Variants in MGAM observed in about 807,000 individuals in gnomAD.
MGAM encodes maltase-glucoamylase, also known as alpha-1,4-glucosidase.
Under a neutral mutation model 358.8 loss-of-function variants are expected in MGAM, and 253 were observed. The ratio of observed to expected loss-of-function variants is 0.71; its 90% CI spans 0.64 to 0.78. The LOEUF is 0.78. Among genes scored for constraint, MGAM ranks in the 30% least tolerant of loss-of-function variants. The pLI is 0.00. For synonymous variants in MGAM, 1,105 were observed against 1,227.1 expected (o/e 0.90, Z 2.08); for missense variants, 3,080 against 3,432.6 (o/e 0.90, Z 2.57).
chr7:142,037,116 T>G (rs1211779356), intron 18 of MGAM, 139 bp downstream of exon 18: 26 of 872,942 alleles, frequency 3.0e-5, no homozygotes, highest in Non-Finnish European at 4.2e-5. Context: ...AATCTAGCTA[T>G]CTATATTCAT....
intron 21 of MGAM, among the ~76,000 whole-genome samples, chr7:142,046,057 G>A (rs34615965): frequency 0.17 from 14,240 of 83,264 alleles, 4,436 homozygotes; most frequent in African/African-American, 0.54. Flanking sequence ...CATACAATAT[G>A]TAATATAATA....
At position 142,019,214 on chromosome 7, in the gene MGAM, C is replaced by T. The variant is rs782730354; in HGVS notation, c.343C>T (p.Arg115Cys). 13 of 1,613,316 alleles carry T rather than the reference C, an allele frequency of 8.1e-6. No individual in the cohort carries two copies. Among genetic ancestry groups the T allele is most frequent in the South Asian group, 1.1e-5 (1 of 91,048 alleles). The part of the protein sequence containing the change: ...QPPTKATCDQ[R>C]GCCWNPQGAV... ...CTTGTTTCAGGCCACATGTGACCAA[C>T]GTGGCTGTTGCTGGAATCCCCAGGG... The change falls in exon 4 of 71, where the codon CGT (arginine) becomes TGT (cysteine). Residue 115 changes from arginine to cysteine, a missense_variant. By Grantham distance (180) the Arg-to-Cys change is radical (BLOSUM62 -3). This residue lies in a region of MGAM where 1,816 missense variants were observed against 1,840.5 expected (regional missense o/e 0.99). Transcript: ENST00000475668.
chr7:142,088,387 A>C (rs1258382139), intron 57 of MGAM, among the ~76,000 whole-genome samples: 1 of 145,902 alleles, frequency 6.9e-6, no homozygotes, highest in Non-Finnish European at 1.6e-5. Context: ...CCTTATGTCT[A>C]CTACTGAACA....
intron 65 of MGAM, among the ~76,000 whole-genome samples, chr7:142,096,631 G>T (rs1274678069): frequency 6.6e-6 from 1 of 152,188 alleles, no homozygotes; most frequent in Non-Finnish European, 1.5e-5. Flanking sequence ...TGGTTCATAG[G>T]ATGATCAAGA....
chr7:142,088,512 C>T (rs1331501955), intron 57 of MGAM, among the ~76,000 whole-genome samples: 1 of 143,538 alleles, frequency 7.0e-6, no homozygotes, highest in Non-Finnish European at 1.6e-5. Flanking sequence ...ATGTATCTAC[C>T]GATCAATGTA....
Position 142,102,783 on chromosome 7 carries a change from T to C in MGAM, c.8013+104T>C, listed in dbSNP as rs902496272. The C allele has an allele frequency of 1.4e-4, 151 of 1,103,966 alleles. 2 individuals are homozygous for C. In the Middle Eastern group the frequency reaches 2.4e-3, roughly 18 times the overall value. The allele number at this position is 1,103,966 out of a possible 1,614,324, so 68.4% of individuals were successfully genotyped here. ...CCACCTAGAATTTCTTCATTGCTCA[T>C]CTTGCTAATTCACATTCTTCTACTT... On this transcript the variant is annotated intron_variant, in intron 69 of 70. Coordinates refer to ENST00000475668, the MANE Select transcript of MGAM (RefSeq NM_001365693.1).
At position 142,052,324 on chromosome 7, in the gene MGAM, C is replaced by T; in HGVS notation, c.2836C>T (p.Leu946=). The part of the protein sequence containing the change: ...VAIITDIDLL[L]GEAYTVEWSI... ...CATTATCACAGATATTGATCTTCTC[C>T]TGGGAGAAGCATACACAGTGGAATG... Residue 946 remains leucine (L), a synonymous_variant, in exon 25 of 71, where the codon CTG becomes TTG. Transcript: ENST00000475668. The T allele has an allele frequency of 6.2e-7, 1 of 1,607,402 alleles. No individual in the cohort carries two copies. Among genetic ancestry groups the T allele is most frequent in the Non-Finnish European group, 8.5e-7 (1 of 1,176,582 alleles).
chr7:142,010,781 C>A (rs1805534615), intron 3 of MGAM, among the ~76,000 whole-genome samples: 1 of 152,120 alleles, frequency 6.6e-6, no homozygotes, highest in Non-Finnish European at 1.5e-5. Flanking sequence ...TACCTCTGTG[C>A]CTCTATAGGT....
chr7:142,084,549 T>C lies in MGAM; in HGVS notation c.6412T>C (p.Trp2138Arg). 1 of 1,552,448 alleles carries C rather than the reference T, an allele frequency of 6.4e-7. No individual in the cohort carries two copies. Among genetic ancestry groups the C allele is most frequent in the Non-Finnish European group, 8.8e-7 (1 of 1,130,346 alleles). ...TGGCCGGCCTGTGATGGTACCTTAC[T>C]GGTCTTTGGGGTTCCAGCTGTGTCG... ...LIGRPVMVPY[W>R]SLGFQLCRYG... The change falls in exon 54 of 71, where the codon TGG becomes CGG. Residue 2138 changes from tryptophan to arginine, a missense_variant. Transcript: ENST00000475668.
At chr7:142,012,277 T>C (rs141503399) in intron 3 of MGAM, among the ~76,000 whole-genome samples, 65 of 152,284 alleles carry the variant, frequency 4.3e-4, no homozygotes, top group Middle Eastern at 3.4e-3. Context: ...ATCATAGTTA[T>C]GGATGGAGAC....
chr7:142,072,661 T>G lies in MGAM; in HGVS notation c.5187-1424T>G, dbSNP rs561414756. 1.3e-4 allele frequency among the ~76,000 whole-genome samples: 19 copies of G among 146,376 alleles called. 3 individuals are homozygous for G. Among genetic ancestry groups the G allele is most frequent in the Non-Finnish European group, 2.3e-4 (15 of 64,532 alleles). Reference sequence around the variant, plus strand: ...CTTGTGTGCTTGGTGATTTTTTGTTTCATACTGTGATAATCTTAAGCATCT... The same window carrying G: ...CTTGTGTGCTTGGTGATTTTTTGTTGCATACTGTGATAATCTTAAGCATCT... On this transcript the variant is annotated intron_variant, in intron 44 of 70. Coordinates refer to ENST00000475668, the MANE Select transcript of MGAM (RefSeq NM_001365693.1).
chr7:142,031,257 C>T lies in MGAM; in HGVS notation c.1471-423C>T, dbSNP rs538970135. Among the ~76,000 whole-genome samples, 9 of 152,152 alleles carry T rather than the reference C, an allele frequency of 5.9e-5. No homozygotes were observed. In the East Asian group the frequency reaches 1.7e-3, roughly 29 times the overall value. ...TGTTCACTTCTAAGGCCTCTGATGACCTTTTCAGAGTATAGTGTCTGGGGG... is the reference window on the plus strand; with the variant it reads ...TGTTCACTTCTAAGGCCTCTGATGATCTTTTCAGAGTATAGTGTCTGGGGG... On this transcript the variant is annotated intron_variant, in intron 12 of 70. Coordinates refer to ENST00000475668, the MANE Select transcript of MGAM (RefSeq NM_001365693.1).
chr7:142,024,900 A>G lies in MGAM; in HGVS notation c.883-150A>G, dbSNP rs181458519. The G allele has an allele frequency of 1.2e-5, 7 of 599,490 alleles. No individual in the cohort carries two copies. In the East Asian group the frequency reaches 2.0e-4, roughly 17 times the overall value. The allele number at this position is 599,490 out of a possible 1,614,324, so 37.1% of individuals were successfully genotyped here. A position where few individuals can be genotyped will look rare whatever the true frequency, so the allele number is the denominator to read the frequency against. ...TTCACTTGGTTAACATCAACTAGAT[A>G]TAGACCCCATCTTTTAAAAATGTGT... On this transcript the variant is annotated intron_variant, in intron 7 of 70. Coordinates refer to ENST00000475668, the MANE Select transcript of MGAM (RefSeq NM_001365693.1).
chr7:142,043,746 TACACATACGA>T, intron 21 of MGAM, among the ~76,000 whole-genome samples: 1 of 84,488 alleles, frequency 1.2e-5, no homozygotes, highest in South Asian at 3.5e-4. Flanking sequence ...ATACATTATA[TACACATACGA>T]CATATAATAT....
chr7:142,015,275 GATTCTT>G (rs1194097385), intron 3 of MGAM, among the ~76,000 whole-genome samples: 2 of 151,874 alleles, frequency 1.3e-5, no homozygotes, highest in Non-Finnish European at 2.9e-5. Flanking sequence ...TGTGATTCTG[GATTCTT>G]ATTCTTATCA....
chr7:142,036,889 A>C lies in MGAM; in HGVS notation c.2143A>C (p.Ile715Leu), dbSNP rs1554466149. Residue 715 changes from isoleucine to leucine, a missense_variant, in exon 18 of 71, where the codon ATC (isoleucine) becomes CTC (leucine). Transcript: ENST00000475668. Reference sequence around the variant, plus strand: ...GAATTCCTCCAGGCACTACCTTAACATCCGCTATACTCTATTGCCCTACCT... The same window carrying C: ...GAATTCCTCCAGGCACTACCTTAACCTCCGCTATACTCTATTGCCCTACCT... ...LLNSSRHYLN[I>L]RYTLLPYLYT... 1.9e-6 allele frequency: 3 copies of C among 1,613,456 alleles called. No individual in the cohort carries two copies. The African/African-American group carries it at 4.0e-5, about 22-fold the overall frequency.
At chr7:142,027,854 G>A in intron 10 of MGAM, 119 bp downstream of exon 10, 1 of 1,129,064 alleles carries the variant, frequency 8.9e-7, no homozygotes, top group Non-Finnish European at 1.2e-6. Context: ...AATGAAAGGA[G>A]TTTTAGATAT....
At chr7:142,031,943 A>C in intron 13 of MGAM, 150 bp downstream of exon 13, 1 of 533,966 alleles carries the variant, frequency 1.9e-6, no homozygotes, top group East Asian at 3.1e-5. Flanking sequence ...CTTACTATTT[A>C]AATAATCTTG....
At chr7:142,066,856 A>G (rs1585047643) in intron 41 of MGAM, 135 bp downstream of exon 41, 1 of 1,114,136 alleles carries the variant, frequency 9.0e-7, no homozygotes, top group African/African-American at 1.5e-5. Context: ...CACAAAGTAT[A>G]CCTGATTACT....
Sources: allele counts gnomAD v4.1 joint callset (sites outside exome capture counted in the v4.1 genomes callset), GRCh38; gene constraint gnomAD v4.1.1; regional missense constraint gnomAD v4.1.1; transcripts MANE v1.5; gene names NCBI Gene and HGNC (gene_info 2026-07-23, HGNC 2026-07-21).